Variants in DOK7 observed in about 807,000 individuals in gnomAD.
DOK7 encodes the protein docking protein 7, also known as protein Dok-7.
A neutral mutation model predicts 30.7 loss-of-function variants in DOK7; 32 were observed. The observed-to-expected ratio is 1.04, with a 90% CI of 0.79 to 1.40. The LOEUF (loss-of-function observed/expected upper bound fraction) is 1.40. DOK7 is among the 40% of genes most tolerant of loss of function. The pLI is 0.00. For synonymous variants in DOK7, 447 were observed against 324.1 expected, an observed-to-expected ratio of 1.38 and a Z score of -4.07; for missense variants, 1,007 against 699.2, an observed-to-expected ratio of 1.44 and a Z score of -4.97.
Position 3,493,491 on chromosome 4 carries a change from C to T in DOK7, c.1505C>T (p.Pro502Leu). 6.2e-7 allele frequency: 1 copy of T among 1,611,220 alleles called. No homozygotes were observed. Among genetic ancestry groups the T allele is most frequent in the Non-Finnish European group, 8.5e-7 (1 of 1,179,356 alleles). ...GTCTGTGGAGGACTCAAGGTAAACC[C>T]CCCTCCTTGAGAGCCGCAGATCCCG... ...CPVCGGLKVN[P>L]PP The change falls in exon 7 of 7, where the codon CCC becomes CTC. Residue 502 changes from proline to leucine, a missense_variant. Pro to Leu is a moderately conservative substitution (Grantham distance 98). Transcript: ENST00000340083.
rs1553849589 is a variant in DOK7 at position 3,491,504 on chromosome 4, A to ATTCT, written c.773-1252_773-1251insTTTC. ...TCATTCTTTCCTTGTCCCTCCGCTT[A>ATTCT]TTCCTTCCTTCTGTCTGTTCATTCA... On this transcript the variant is annotated intron_variant, in intron 6 of 6. Transcript: ENST00000340083. 8.9e-4 allele frequency among the ~76,000 whole-genome samples: 134 copies of ATTCT among 150,336 alleles called. 1 individual carries two copies. The highest frequency in any genetic ancestry group is 1.8e-3 in the Non-Finnish European group (118 of 67,262).
chr4:3,496,869 A>G, downstream of DOK7: 3 of 1,488,056 alleles, frequency 2.0e-6, no homozygotes, highest in Non-Finnish European at 2.7e-6. Flanking sequence ...TCAGGTAGGC[A>G]CCTGGAGCCA....
chr4:3,495,329 C>T (rs911102051), downstream of DOK7, among the ~76,000 whole-genome samples: 2 of 152,222 alleles, frequency 1.3e-5, no homozygotes, highest in Non-Finnish European at 2.9e-5. Flanking sequence ...CGCTAGTCTT[C>T]ATCATCCACG....
At position 3,467,463 on chromosome 4, in the gene DOK7, C is replaced by A. The variant is rs556854442; in HGVS notation, c.100+3912C>A. Among the ~76,000 whole-genome samples the A allele has an allele frequency of 7.3e-5, 10 of 136,912 alleles. No homozygotes were observed. The South Asian group carries it at 2.9e-3, about 40-fold the overall frequency. 89.8% of individuals were successfully genotyped at this position (136,912 alleles called of 152,430 possible). A position where few individuals can be genotyped will look rare whatever the true frequency, so the allele number is the denominator to read the frequency against. On this transcript the variant is annotated intron_variant, in intron 2 of 6. Transcript: ENST00000340083. ...GTCCAGGGAAGACCCCCCCCCCCCA[C>A]CCCAGACATCCCTCCCCAACCCAAG...
intron 2 of DOK7, among the ~76,000 whole-genome samples, chr4:3,472,924 G>T (rs950531287): frequency 2.0e-5 from 3 of 152,206 alleles, no homozygotes; most frequent in African/African-American, 7.2e-5. Flanking sequence ...GAACCAGGAG[G>T]GGCGGTGGGT....
chr4:3,492,713 G>C (rs765994305), intron 6 of DOK7, 46 bp from the exon 7 acceptor site: 1 of 1,587,998 alleles, frequency 6.3e-7, no homozygotes, highest in South Asian at 1.1e-5. Flanking sequence ...GTCCTGCCCA[G>C]ACCCCTGTAC....
At chr4:3,491,477 A>G (rs1358718046) in intron 6 of DOK7, among the ~76,000 whole-genome samples, 1 of 140,526 alleles carries the variant, frequency 7.1e-6, no homozygotes, top group Non-Finnish European at 1.6e-5. Flanking sequence ...TCTCTCACTC[A>G]TTCATTCTTT....
At chr4:3,488,345 A>T (rs2857984) in intron 5 of DOK7, among the ~76,000 whole-genome samples, 109,804 of 152,186 alleles carry the variant, frequency 0.72, 39,986 homozygotes, top group East Asian at 0.93. Context: ...GGTCTCCTGT[A>T]GTGAGCAAGG....
rs142510199 is a variant in DOK7, at chr4:3,493,230, C to G, written c.1244C>G (p.Pro415Arg). 64 of 1,612,058 alleles carry G rather than the reference C, an allele frequency of 4.0e-5. No homozygotes were observed. The highest frequency in any genetic ancestry group is 5.2e-5 in the Non-Finnish European group (61 of 1,179,704). ...ACACCACGCAGCCTTTGCCTGGCTC[C>G]TAGAGACCACAGCCCCCCCTCACAG... ...YDTPRSLCLAPRDHSPPSQGS... is the reference protein window; with the variant it reads ...YDTPRSLCLARRDHSPPSQGS... The change falls in exon 7 of 7, where the codon CCT (proline) becomes CGT (arginine). Residue 415 changes from proline (P) to arginine (R), a missense_variant. Physicochemically the swap from Pro to Arg is moderately radical, Grantham distance 103 (BLOSUM62 -2). Transcript: ENST00000340083.
intron 4 of DOK7, among the ~76,000 whole-genome samples, chr4:3,484,046 T>G (rs1182263397): frequency 6.6e-6 from 1 of 152,172 alleles, no homozygotes; most frequent in African/African-American, 2.4e-5. Flanking sequence ...GACTGGAAGC[T>G]CTATCGGGCC....
At chr4:3,478,974 G>C (rs761309728) in intron 4 of DOK7, among the ~76,000 whole-genome samples, 2 of 152,284 alleles carry the variant, frequency 1.3e-5, no homozygotes, top group Non-Finnish European at 1.5e-5. Context: ...CCGGCAACTC[G>C]GGTGGTCCAG....
intron 5 of DOK7, among the ~76,000 whole-genome samples, chr4:3,486,093 G>T (rs1253180130): frequency 6.6e-6 from 1 of 152,248 alleles, no homozygotes; most frequent in African/African-American, 2.4e-5. Flanking sequence ...CTCTGCCTGA[G>T]CCCGGTGTTT....
At chr4:3,475,751 C>T (rs1174595196) in intron 3 of DOK7, among the ~76,000 whole-genome samples, 1 of 152,126 alleles carries the variant, frequency 6.6e-6, no homozygotes, top group African/African-American at 2.4e-5. Context: ...TGTGATGGAG[C>T]CACACAGCTG....
intron 2 of DOK7, among the ~76,000 whole-genome samples, chr4:3,469,903 G>A (rs1726657574): frequency 6.6e-6 from 1 of 152,220 alleles, no homozygotes; most frequent in Non-Finnish European, 1.5e-5. Flanking sequence ...CAGGAGGGAC[G>A]AGCGGGCCCC....
chr4:3,467,625 T>TG (rs1726380941), intron 2 of DOK7, among the ~76,000 whole-genome samples: 1 of 152,060 alleles, frequency 6.6e-6, no homozygotes, highest in Non-Finnish European at 1.5e-5. Context: ...TGTGCACGTG[T>TG]GAGCAAGTGT....
downstream of DOK7, among the ~76,000 whole-genome samples, chr4:3,495,155 G>A (rs182380679): frequency 4.6e-5 from 7 of 152,292 alleles, no homozygotes; most frequent in African/African-American, 7.2e-5. Flanking sequence ...GACAGACCCC[G>A]CCTCACTGGG....
At chr4:3,475,033 T>C (rs1483061508) in intron 3 of DOK7, among the ~76,000 whole-genome samples, 1 of 152,122 alleles carries the variant, frequency 6.6e-6, no homozygotes, top group Non-Finnish European at 1.5e-5. Flanking sequence ...GCCTTGGAGG[T>C]GAGTGTCCCG....
At chr4:3,488,847 G>A (rs1727980783) in intron 5 of DOK7, among the ~76,000 whole-genome samples, 2 of 152,210 alleles carry the variant, frequency 1.3e-5, no homozygotes. Flanking sequence ...TGCTGTGGAT[G>A]TGGAAGGGGC....
rs185050737 is a variant in DOK7 at position 3,492,994 on chromosome 4, G to C, written c.1008G>C (p.Ser336=). The stretch of plus-strand genomic sequence containing the variant: ...AGGAGGTTGGCCGCCAGAGCTCCTC[G>C]GACAGCGGCATCGCCACTGGCAGCC... ...QLQEVGRQSS[S]DSGIATGSHS... The change falls in exon 7 of 7, where the codon TCG becomes TCC. Residue 336 remains serine (S), a synonymous_variant. Transcript: ENST00000340083. 5.8e-6 allele frequency: 9 copies of C among 1,559,226 alleles called. No individual in the cohort carries two copies. Among genetic ancestry groups the C allele is most frequent in the African/African-American group, 2.7e-5 (2 of 74,056 alleles).
Sources: allele counts gnomAD v4.1 joint callset (sites outside exome capture counted in the v4.1 genomes callset), GRCh38; gene constraint gnomAD v4.1.1; transcripts MANE v1.5; gene names NCBI Gene and HGNC (gene_info 2026-07-23, HGNC 2026-07-21).